PLXNA4: variants seen among roughly 807,000 people sequenced by gnomAD.
The protein encoded by PLXNA4 is plexin-A4.
PLXNA4 carries 44 observed loss-of-function variants against 191.8 expected under a neutral mutation model. That is an observed-to-expected ratio of 0.23 (90% CI 0.18 to 0.29). The LOEUF (loss-of-function observed/expected upper bound fraction) is 0.29, where lower values mean the gene tolerates loss of function less well. Ranked by LOEUF, PLXNA4 falls within the 10% of genes least tolerant of loss-of-function variation. The pLI is 1.00. For missense variants in PLXNA4, 1,800 were observed against 2,488.8 expected, an observed-to-expected ratio of 0.72 and a Z score of 5.89; for synonymous variants, 1,082 against 1,009.5, an observed-to-expected ratio of 1.07 and a Z score of -1.36.
At chr7:132,524,347 AG>A (rs1563151181) in intron 1 of PLXNA4, among the ~76,000 whole-genome samples, 1 of 152,244 alleles carries the variant, frequency 6.6e-6, no homozygotes, top group Non-Finnish European at 1.5e-5. Context: ...TATGCAGTAC[AG>A]GCTACTTTAT....
At chr7:132,384,521 C>A in intron 3 of PLXNA4, 1 of 986,536 alleles carries the variant, frequency 1.0e-6, no homozygotes, top group Non-Finnish European at 1.2e-6. Context: ...GGAAAGGAGA[C>A]TGGACAACAC....
chr7:132,219,158 T>G (rs1290410335), intron 9 of PLXNA4, among the ~76,000 whole-genome samples: 2 of 152,144 alleles, frequency 1.3e-5, no homozygotes, highest in African/African-American at 2.4e-5. Context: ...TAAAAGGAAA[T>G]GAAAACCCCA....
At chr7:132,256,254 T>C (rs1799427556) in intron 4 of PLXNA4, among the ~76,000 whole-genome samples, 1 of 152,226 alleles carries the variant, frequency 6.6e-6, no homozygotes, top group Non-Finnish European at 1.5e-5. Context: ...CAAACAAACC[T>C]GCAGGATACA....
At chr7:132,413,088 C>T (rs879298055) in intron 3 of PLXNA4, among the ~76,000 whole-genome samples, 5 of 152,050 alleles carry the variant, frequency 3.3e-5, no homozygotes, top group Admixed American at 6.5e-5. Flanking sequence ...AGTTCATTCC[C>T]GACACTGTCT....
intron 3 of PLXNA4, among the ~76,000 whole-genome samples, chr7:132,363,911 T>C (rs935737420): frequency 1.3e-5 from 2 of 152,252 alleles, no homozygotes; most frequent in African/African-American, 4.8e-5. Flanking sequence ...CAGGGGCACA[T>C]GGCAAATTGC....
At chr7:132,575,844 G>A (rs1802199407) in intron 1 of PLXNA4, among the ~76,000 whole-genome samples, 1 of 152,112 alleles carries the variant, frequency 6.6e-6, no homozygotes, top group Non-Finnish European at 1.5e-5. Context: ...CATATGCGCC[G>A]CCCTACAGAA....
intron 3 of PLXNA4, among the ~76,000 whole-genome samples, chr7:132,365,567 C>A (rs1345398870): frequency 6.6e-6 from 1 of 151,992 alleles, no homozygotes; most frequent in African/African-American, 2.4e-5. Flanking sequence ...GGAACTGTGG[C>A]TGATGAATAG....
chr7:132,594,289 G>A (rs1434368789), intron 2 of PLXNA4, among the ~76,000 whole-genome samples: 2 of 152,182 alleles, frequency 1.3e-5, no homozygotes, highest in African/African-American at 2.4e-5. Context: ...TCCATATGGA[G>A]TTATTCTGTC....
At chr7:132,209,751 G>A (rs530979668) in intron 10 of PLXNA4, among the ~76,000 whole-genome samples, 9 of 152,212 alleles carry the variant, frequency 5.9e-5, no homozygotes, top group Admixed American at 1.3e-4. Context: ...TCTCCTGGTC[G>A]CACATCACAT....
chr7:132,467,171 G>A (rs1796737911), intron 3 of PLXNA4, among the ~76,000 whole-genome samples: 2 of 152,200 alleles, frequency 1.3e-5, no homozygotes, highest in African/African-American at 4.8e-5. Context: ...AAAATAAGAT[G>A]AGGAGCTCCT....
intron 3 of PLXNA4, among the ~76,000 whole-genome samples, chr7:132,381,746 A>T (rs1255404336): frequency 6.6e-6 from 1 of 152,216 alleles, no homozygotes; most frequent in Non-Finnish European, 1.5e-5. Context: ...AGGATTTTCC[A>T]AGATTCTGCA....
upstream of PLXNA4, among the ~76,000 whole-genome samples, chr7:132,577,996 C>A (rs192342272): frequency 6.9e-4 from 105 of 152,276 alleles, no homozygotes; most frequent in East Asian, 1.4e-3. Flanking sequence ...TACTGAGCGG[C>A]TCTCCTGGCT....
chr7:132,619,596 G>C (rs4731884), intron 2 of PLXNA4, among the ~76,000 whole-genome samples: 111,992 of 152,156 alleles, frequency 0.74, 41,354 homozygotes, highest in Middle Eastern at 0.81. Flanking sequence ...AGATTACAAG[G>C]CCCATGAACA....
rs551871030 is a variant in PLXNA4, at chr7:132,179,031, C to T, written c.3874+656G>A. Among the ~76,000 whole-genome samples, 545 of 91,346 alleles carry T rather than the reference C, an allele frequency of 6.0e-3. 21 individuals carry two copies. Among genetic ancestry groups the T allele is most frequent in the South Asian group, 0.053 (102 of 1,908 alleles). The allele number at this position is 91,346 out of a possible 152,430, so 59.9% of individuals were successfully genotyped here. ...ACACATACACATATACAGGCGCGCG[C>T]GCACACACACACACACACACACACA... On this transcript the variant is annotated intron_variant, in intron 20 of 31. Transcript: ENST00000321063.
rs926232504 is a variant in PLXNA4, at chr7:132,284,768, G to A, written c.1503+13323C>T. Among the ~76,000 whole-genome samples the A allele has an allele frequency of 3.9e-5, 6 of 152,182 alleles. No homozygotes were observed. In the South Asian group the frequency reaches 1.2e-3, roughly 32 times the overall value. On this transcript the variant is annotated intron_variant, in intron 4 of 31. Transcript: ENST00000321063. The stretch of plus-strand genomic sequence containing the variant: ...GAATGATGGAAGAAAAATATTACAG[G>A]TGGATTTCTTTCTTTTCTTTTCTGA...
chr7:132,395,085 G>A lies in PLXNA4; in HGVS notation c.1371+94207C>T, dbSNP rs1037525863. On this transcript the variant is annotated intron_variant, in intron 3 of 31. Transcript: ENST00000321063. ...CAGCAAATGGGTAGCCACCACAGCT[G>A]CTGATAAACAGCTAGGGGAGCCATT... is the stretch of plus-strand genomic sequence containing the variant. Among the ~76,000 whole-genome samples, 6 of 152,358 alleles carry A rather than the reference G, an allele frequency of 3.9e-5. No homozygotes were observed. The South Asian group carries it at 8.3e-4, about 21-fold the overall frequency.
chr7:132,490,666 A>G (rs1170860176), intron 2 of PLXNA4, among the ~76,000 whole-genome samples: 2 of 152,010 alleles, frequency 1.3e-5, no homozygotes, highest in Admixed American at 6.6e-5. Context: ...AGCTCAAGCA[A>G]CCACCACCCT....
At chr7:132,456,490 C>T (rs577863451) in intron 3 of PLXNA4, among the ~76,000 whole-genome samples, 1 of 152,278 alleles carries the variant, frequency 6.6e-6, no homozygotes, top group South Asian at 2.1e-4. Context: ...GCTGGAGGTA[C>T]AGAACTAAGC....
chr7:132,491,738 T>A (rs945591614), intron 2 of PLXNA4, among the ~76,000 whole-genome samples: 2 of 152,110 alleles, frequency 1.3e-5, no homozygotes, highest in Non-Finnish European at 2.9e-5. Context: ...AGACCAACAC[T>A]GTCTCTACTA....
Sources: allele counts gnomAD v4.1 joint callset (sites outside exome capture counted in the v4.1 genomes callset), GRCh38; gene constraint gnomAD v4.1.1; transcripts MANE v1.5; gene names NCBI Gene and HGNC (gene_info 2026-07-23, HGNC 2026-07-21).